Variants in RYR1 observed in about 807,000 individuals in gnomAD.
RYR1 encodes ryanodine receptor 1.
In RYR1, 342 loss-of-function variants were observed where a neutral mutation model predicts 583.5. That is an observed-to-expected ratio of 0.59 (90% CI 0.54 to 0.64). RYR1 has a LOEUF of 0.64. RYR1 is among the 30% of genes least tolerant of loss of function. The pLI, the probability that RYR1 is intolerant of heterozygous loss-of-function variation, is 0.00. For synonymous variants in RYR1, 2,791 were observed against 2,822.5 expected (o/e 0.99, Z 0.35); for missense variants, 6,032 against 6,917.2 (o/e 0.87, Z 4.54).
In RYR1 at chr19:38,506,179, CA is replaced by C. The variant is rs1428083398; in HGVS notation, c.8542-122del. The C allele has an allele frequency of 8.4e-6, 9 of 1,065,974 alleles. No individual in the cohort carries two copies. In the East Asian group the frequency reaches 2.3e-4, roughly 27 times the overall value. The allele number at this position is 1,065,974 out of a possible 1,614,324, so 66.0% of individuals were successfully genotyped here. A position where few individuals can be genotyped will look rare whatever the true frequency, so the allele number is the denominator to read the frequency against. On this transcript the variant is annotated intron_variant, in intron 54 of 105. Coordinates refer to ENST00000359596, the MANE Select transcript of RYR1 (RefSeq NM_000540.3). ...TAGAGACAGGGCCTTAAGGAAAGGA[CA>C]AGGGGTCTTGAGCCAGGGGAGGGTG...
Position 38,586,263 on chromosome 19 carries a change from C to T in RYR1, c.14969+72C>T, listed in dbSNP as rs111891859. 12,302 of 1,393,250 alleles carry T rather than the reference C, an allele frequency of 8.8e-3. 760 individuals are homozygous for T. The African/African-American group carries it at 0.14, about 16-fold the overall frequency. 86.3% of individuals were successfully genotyped at this position (1,393,250 alleles called of 1,614,324 possible). ...CAATAGCCAGCAGTGGGGTACTTAG[C>T]TTTGGCCAGTTAGGAAAGGGGGTGT... On this transcript the variant is annotated intron_variant, in intron 104 of 105. Transcript: ENST00000359596.
At position 38,463,848 on chromosome 19, in the gene RYR1, C is replaced by A; in HGVS notation, c.2784C>A (p.Leu928=). 2 of 1,611,498 alleles carry A rather than the reference C, an allele frequency of 1.2e-6. No individual in the cohort carries two copies. The highest frequency in any genetic ancestry group is 8.5e-7 in the Non-Finnish European group (1 of 1,178,434). Residue 928 remains leucine (L), a splice_region_variant and synonymous_variant, in exon 22 of 106, where the codon CTC becomes CTA. Transcript: ENST00000359596. ...ACCTGCAGATGTCTGGGGAGACGCT[C>A]AAGTGAGGGCCCAGGGGAGCCGGGG... is the stretch of plus-strand genomic sequence containing the variant. The part of the protein sequence containing the change: ...NYNLQMSGET[L]KTLLALGCHV...
chr19:38,440,686 G>C (rs1972629195), intron 1 of RYR1, 59 bp from the exon 2 acceptor site: 3 of 1,589,050 alleles, frequency 1.9e-6, no homozygotes, highest in Admixed American at 1.7e-5. Context: ...CCTGTGGTCT[G>C]CAGTATTTGT....
intron 93 of RYR1, among the ~76,000 whole-genome samples, chr19:38,569,563 A>G (rs1361528336): frequency 6.6e-6 from 1 of 151,910 alleles, no homozygotes; most frequent in African/African-American, 2.4e-5. Context: ...AAAAAAAAAA[A>G]AAATTCCCTT....
chr19:38,490,259 TC>T lies in RYR1; in HGVS notation c.6002del (p.Pro2001HisfsTer46). The T allele has an allele frequency of 6.2e-7, 1 of 1,613,912 alleles. No homozygotes were observed. The highest frequency in any genetic ancestry group is 2.2e-5 in the East Asian group (1 of 44,876). On this transcript the variant is annotated frameshift_variant, in exon 36 of 106. Transcript: ENST00000359596. LOFTEE classifies it high-confidence loss of function. ...ETARRTREFRSPPQEQINMLL... is the reference protein window; with the variant it reads ...ETARRTREFRXPPQEQINMLL... ...TGCAAGACGTACCCGCGAGTTCCGC[TC>T]CCCACCCCAGGAACAGGTCATCTGA...
rs371278145 is a variant in RYR1, at chr19:38,466,143, C to T, written c.2923C>T (p.Arg975Trp). Residue 975 changes from arginine (R) to tryptophan (W), a missense_variant, in exon 24 of 106, where the codon CGG becomes TGG. Transcript: ENST00000359596. ...KPAPLDLSHVRLTPAQTTLVD... is the reference protein window; with the variant it reads ...KPAPLDLSHVWLTPAQTTLVD... The stretch of plus-strand genomic sequence containing the variant: ...GGCTCCGCTGGACCTGAGCCACGTG[C>T]GGCTGACGCCGGCGCAGACGACACT... The T allele has an allele frequency of 3.1e-5, 50 of 1,613,116 alleles. No homozygotes were observed. Among genetic ancestry groups the T allele is most frequent in the Middle Eastern group, 1.7e-4 (1 of 6,060 alleles).
rs1972302323 is a variant in RYR1 at position 38,433,771 on chromosome 19, C to T, written c.-59C>T. 3.1e-6 allele frequency: 3 copies of T among 960,658 alleles called. No individual in the cohort carries two copies. In the East Asian group the frequency reaches 7.2e-5, roughly 23 times the overall value. The allele number at this position is 960,658 out of a possible 1,614,324, so 59.5% of individuals were successfully genotyped here. On this transcript the variant is annotated 5_prime_UTR_variant, in exon 1 of 106. Coordinates refer to ENST00000359596, the MANE Select transcript of RYR1 (RefSeq NM_000540.3). ...GCCCGCCCCCAGCCCTCCCGCCCAG[C>T]CCGCAGCCCCCTCCCTCTGTTCCCC... is the stretch of plus-strand genomic sequence containing the variant.
rs1215432065 is a variant in RYR1, at chr19:38,536,054, G to A, written c.11574G>A (p.Val3858=). ...ACAAGGCCGAGGGGCTGGGCATGGT[G>A]AATGAGGATGGCACTGGTGAGGCCC... is the stretch of plus-strand genomic sequence containing the variant. ...RQNKAEGLGM[V]NEDGTVINRQ... is the part of the protein sequence containing the mutation. The change falls in exon 82 of 106, where the codon GTG becomes GTA. Residue 3858 remains valine, a synonymous_variant. Transcript: ENST00000359596. The A allele has an allele frequency of 1.9e-6, 3 of 1,613,280 alleles. No homozygotes were observed. Among genetic ancestry groups the A allele is most frequent in the Non-Finnish European group, 2.5e-6 (3 of 1,179,960 alleles).
rs764455879 is a variant in RYR1 at position 38,496,507 on chromosome 19, G to A, written c.6762G>A (p.Leu2254=). ...ACCAGCGCTCCATGTTTGACCACCT[G>A]AGCTACCTGCTGGAGAACAGTGGCA... The part of the protein sequence containing the change: ...RQNQRSMFDH[L]SYLLENSGIG... The change falls in exon 41 of 106, where the codon CTG becomes CTA. Residue 2254 remains leucine (L), a synonymous_variant. Transcript: ENST00000359596. The surrounding 1 kb of genome is among the most constrained non-coding windows in gnomAD (Gnocchi z 4.8). The A allele has an allele frequency of 1.2e-6, 2 of 1,613,540 alleles. No homozygotes were observed. Among genetic ancestry groups the A allele is most frequent in the Non-Finnish European group, 1.7e-6 (2 of 1,180,022 alleles).
intron 91 of RYR1, among the ~76,000 whole-genome samples, chr19:38,566,658 C>G (rs1973451759): frequency 6.6e-6 from 1 of 151,874 alleles, no homozygotes; most frequent in Non-Finnish European, 1.5e-5. Flanking sequence ...GTGGGAAGCC[C>G]TGGGGACAAG....
chr19:38,497,039 C>T (rs1969866821), intron 42 of RYR1, 85 bp downstream of exon 42: 2 of 1,172,650 alleles, frequency 1.7e-6, no homozygotes. Context: ...TGATTCCAAA[C>T]TCATTCTGGG....
At chr19:38,474,935 G>T (rs1026327303) in intron 28 of RYR1, among the ~76,000 whole-genome samples, 1 of 152,090 alleles carries the variant, frequency 6.6e-6, no homozygotes, top group Admixed American at 6.6e-5. Flanking sequence ...GCTGCTGGGC[G>T]GGGGCCCCAG....
Position 38,528,491 on chromosome 19 carries a change from G to A in RYR1, c.10937+73G>A, listed in dbSNP as rs1211976989. 2.5e-6 allele frequency: 4 copies of A among 1,593,628 alleles called. No homozygotes were observed. In the South Asian group the frequency reaches 4.4e-5, roughly 18 times the overall value. Reference sequence around the variant, plus strand: ...GTGGCTGGAGAGTCTGGAGAATGGAGGGCCAACGTGATGGGGCCTTGAGGG... The same window carrying A: ...GTGGCTGGAGAGTCTGGAGAATGGAAGGCCAACGTGATGGGGCCTTGAGGG... On this transcript the variant is annotated intron_variant, in intron 74 of 105. Coordinates refer to ENST00000359596, the MANE Select transcript of RYR1 (RefSeq NM_000540.3).
intron 90 of RYR1, among the ~76,000 whole-genome samples, chr19:38,562,466 C>T (rs1441968808): frequency 1.3e-5 from 2 of 152,108 alleles, no homozygotes; most frequent in African/African-American, 4.8e-5. Context: ...CAGATGCCGC[C>T]AGGTACTTGC....
chr19:38,505,195 C>A, intron 52 of RYR1, 114 bp downstream of exon 52: 1 of 1,198,208 alleles, frequency 8.3e-7, no homozygotes, highest in Non-Finnish European at 1.2e-6. Flanking sequence ...TTCCCTAAGA[C>A]CCTTAGCTTG....
intron 31 of RYR1, among the ~76,000 whole-genome samples, chr19:38,482,441 G>A (rs1447834088): frequency 1.3e-5 from 2 of 152,018 alleles, no homozygotes; most frequent in Admixed American, 1.3e-4. Flanking sequence ...AAGACAGTCT[G>A]AGGACACTTC....
chr19:38,458,289 A>G lies in RYR1; in HGVS notation c.2164A>G (p.Thr722Ala), dbSNP rs1183569355. Residue 722 changes from threonine to alanine, a missense_variant, in exon 18 of 106, where the codon ACA (threonine) becomes GCA (alanine). Around this residue, in one of 11 missense-constraint regions of RYR1, gnomAD observed 2,627 missense variants for 2,961.3 expected, o/e 0.89. Coordinates refer to ENST00000359596, the MANE Select transcript of RYR1 (RefSeq NM_000540.3). ...CGGCTTTGATGGACTGCATCTCTGG[A>G]CAGGTACCTGACCCCTTCCAGGGGA... The part of the protein sequence containing the change: ...SYGFDGLHLW[T>A]GHVARPVTSP... 2.4e-5 allele frequency: 39 copies of G among 1,613,544 alleles called. No individual in the cohort carries two copies. Among genetic ancestry groups the G allele is most frequent in the Non-Finnish European group, 3.1e-5 (37 of 1,179,808 alleles).
chr19:38,462,474 C>T (rs545580567), intron 20 of RYR1, among the ~76,000 whole-genome samples: 42 of 152,020 alleles, frequency 2.8e-4, no homozygotes, highest in African/African-American at 9.9e-4. Flanking sequence ...GGGCTGTCCA[C>T]TCGGCCTCCC....
At chr19:38,542,212 G>A (rs542119349) in intron 84 of RYR1, among the ~76,000 whole-genome samples, 3 of 151,734 alleles carry the variant, frequency 2.0e-5, no homozygotes, top group African/African-American at 7.2e-5. Context: ...TCTTAATCTC[G>A]TGAGGATGTA....
Sources: allele counts gnomAD v4.1 joint callset (sites outside exome capture counted in the v4.1 genomes callset), GRCh38; gene constraint gnomAD v4.1.1; regional missense constraint gnomAD v4.1.1; non-coding constraint Gnocchi (gnomAD v3.1); transcripts MANE v1.5; gene names NCBI Gene and HGNC (gene_info 2026-07-23, HGNC 2026-07-21).